The following WNT7A variants were observed in gnomAD, a reference collection of about 807,000 sequenced individuals.
WNT7A encodes the protein protein Wnt-7a.
Under a neutral mutation model 28.2 loss-of-function variants are expected in WNT7A, and 16 were observed. The ratio of observed to expected loss-of-function variants is 0.57; its 90% confidence interval spans 0.38 to 0.86. WNT7A has a LOEUF of 0.86. WNT7A is among the 40% of genes least tolerant of loss of function. The probability of loss-of-function intolerance (pLI) is 0.00; values close to 1 mark genes in which losing one functional copy is unlikely to be tolerated. For missense variants in WNT7A, 411 were observed against 489.7 expected (o/e 0.84, Z 1.52); for synonymous variants, 190 against 195.9 (o/e 0.97, Z 0.25).
At chr3:13,829,621 C>T (rs767470417) in intron 3 of WNT7A, among the ~76,000 whole-genome samples, 1 of 152,090 alleles carries the variant, frequency 6.6e-6, no homozygotes, top group Non-Finnish European at 1.5e-5. Context: ...TGCCTGCAGG[C>T]GAGTCCCTTT....
chr3:13,867,042 C>T (rs939251705), intron 2 of WNT7A, among the ~76,000 whole-genome samples: 13 of 152,076 alleles, frequency 8.5e-5, no homozygotes, highest in African/African-American at 2.2e-4. Flanking sequence ...GCATGGGTCC[C>T]GGGTTCCTTG....
In WNT7A at chr3:13,835,046, G is replaced by T. The variant is rs148282977; in HGVS notation, c.571-15623C>A. ...GAGCTGAGAACCAGACGTTGAAGAG[G>T]AGTCGACGAGACAAAAAGGGAGGAA... On this transcript the variant is annotated intron_variant, in intron 3 of 3. Transcript: ENST00000285018. Among the ~76,000 whole-genome samples the T allele has an allele frequency of 6.7e-3, 1,019 of 152,342 alleles. 12 individuals are homozygous for T. Among genetic ancestry groups the T allele is most frequent in the African/African-American group, 0.023 (938 of 41,578 alleles).
intron 3 of WNT7A, among the ~76,000 whole-genome samples, chr3:13,842,169 G>A (rs1694470388): frequency 6.6e-6 from 1 of 152,074 alleles, no homozygotes; most frequent in African/African-American, 2.4e-5. Flanking sequence ...AGTGAGGGAG[G>A]CAGAGTTTAA....
chr3:13,822,460 C>G (rs530341623), intron 3 of WNT7A, among the ~76,000 whole-genome samples: 1 of 152,172 alleles, frequency 6.6e-6, no homozygotes, highest in Non-Finnish European at 1.5e-5. Context: ...TGAAAGTAGC[C>G]AGATGCAAAA....
rs1491101426 is a variant in WNT7A, at chr3:13,856,880, G to GGAAGAAGAAGAAGAAAAAGAAGAAGAA, written c.299-2078_299-2077insTTCTTCTTCTTTTTCTTCTTCTTCTTC. Among the ~76,000 whole-genome samples, 225 of 91,620 alleles carry GGAAGAAGAAGAAGAAAAAGAAGAAGAA rather than the reference G, an allele frequency of 2.5e-3. 11 individuals are homozygous for GGAAGAAGAAGAAGAAAAAGAAGAAGAA. The highest frequency in any genetic ancestry group is 6.0e-3 in the Middle Eastern group (1 of 168). The allele number at this position is 91,620 out of a possible 152,430, so 60.1% of individuals were successfully genotyped here. A position where few individuals can be genotyped will look rare whatever the true frequency, so the allele number is the denominator to read the frequency against. ...AAGAGGAAGAGGAAGAGGAAGAAGA[G>GGAAGAAGAAGAAGAAAAAGAAGAAGAA]GAAGAAGAAGAAAAAGAAGAAGAAG... On this transcript the variant is annotated intron_variant, in intron 2 of 3. Transcript: ENST00000285018.
intron 3 of WNT7A, among the ~76,000 whole-genome samples, chr3:13,833,933 G>A (rs1694323520): frequency 6.6e-6 from 1 of 152,190 alleles, no homozygotes; most frequent in African/African-American, 2.4e-5. Context: ...GGCCAGGTGG[G>A]CAGAAAGAGG....
At chr3:13,827,840 C>T (rs895812711) in intron 3 of WNT7A, among the ~76,000 whole-genome samples, 1 of 152,200 alleles carries the variant, frequency 6.6e-6, no homozygotes, top group Non-Finnish European at 1.5e-5. Context: ...ATGGCAGGCA[C>T]TCTGAAGCAC....
chr3:13,834,956 C>T (rs1187878499), intron 3 of WNT7A, among the ~76,000 whole-genome samples: 1 of 151,522 alleles, frequency 6.6e-6, no homozygotes, highest in Non-Finnish European at 1.5e-5. Context: ...TAAATACTTG[C>T]AAATGAATGA....
At chr3:13,852,061 G>A (rs1442810858) in intron 3 of WNT7A, among the ~76,000 whole-genome samples, 1 of 152,244 alleles carries the variant, frequency 6.6e-6, no homozygotes, top group Non-Finnish European at 1.5e-5. Context: ...ATCCTGCTGG[G>A]CTTAGACTCA....
At position 13,819,110 on chromosome 3, in the gene WNT7A, T is replaced by G; in HGVS notation, c.884A>C (p.Asn295Thr). The change falls in exon 4 of 4, where the codon AAC (asparagine) becomes ACC (threonine). Residue 295 changes from asparagine to threonine, a missense_variant. Transcript: ENST00000285018. ...GSVGTQGRAC[N>T]KTAPQASGCD... ...GCCGCTGGCCTGGGGAGCCGTCTTGTTGCAGGCGCGGCCCTGGGTGCCCAC... is the reference window on the plus strand; with the variant it reads ...GCCGCTGGCCTGGGGAGCCGTCTTGGTGCAGGCGCGGCCCTGGGTGCCCAC... 1 of 1,614,170 alleles carries G rather than the reference T, an allele frequency of 6.2e-7. No individual in the cohort carries two copies. Among genetic ancestry groups the G allele is most frequent in the Non-Finnish European group, 8.5e-7 (1 of 1,180,018 alleles).
intron 1 of WNT7A, among the ~76,000 whole-genome samples, chr3:13,879,379 G>C (rs1695170160): frequency 6.6e-6 from 1 of 152,170 alleles, no homozygotes. Context: ...TGTGGTCCTG[G>C]CTTGATGTTC....
chr3:13,848,265 C>A (rs1244033663), intron 3 of WNT7A, among the ~76,000 whole-genome samples: 1 of 152,004 alleles, frequency 6.6e-6, no homozygotes, highest in East Asian at 1.9e-4. Context: ...CTGTGAGAGA[C>A]CCTATGAAGA....
intron 3 of WNT7A, among the ~76,000 whole-genome samples, chr3:13,829,248 C>T (rs910289393): frequency 3.3e-5 from 5 of 152,260 alleles, no homozygotes; most frequent in African/African-American, 1.2e-4. Flanking sequence ...TGAAAGAAAC[C>T]ATATCCAGAT....
Position 13,819,008 on chromosome 3 carries a change from T to C in WNT7A, c.986A>G (p.His329Arg). The C allele has an allele frequency of 6.2e-7, 1 of 1,610,926 alleles. No individual in the cohort carries two copies. Among genetic ancestry groups the C allele is most frequent in the East Asian group, 2.2e-5 (1 of 44,784 alleles). Residue 329 changes from histidine (H) to arginine (R), a missense_variant, in exon 4 of 4, where the codon CAC becomes CGC. Physicochemically the swap from His to Arg is conservative, Grantham distance 29 (BLOSUM62 0). Transcript: ENST00000285018. ...ARVWQCNCKFHWCCYVKCNTC... is the reference protein window; with the variant it reads ...ARVWQCNCKFRWCCYVKCNTC... ...GTTGCACTTGACATAGCAGCACCAG[T>C]GGAACTTACAGTTGCACTGCCACAC...
intron 3 of WNT7A, among the ~76,000 whole-genome samples, chr3:13,832,479 C>T (rs1300640149): frequency 6.6e-6 from 1 of 150,782 alleles, no homozygotes; most frequent in Non-Finnish European, 1.5e-5. Context: ...TCTTCCTCCT[C>T]CTCCCCCTCC....
Position 13,830,058 on chromosome 3 carries a change from T to C in WNT7A, c.571-10635A>G, listed in dbSNP as rs561577750. The stretch of plus-strand genomic sequence containing the variant: ...GCCCCTGCAATGGCTGCCTTTGTTC[T>C]CCCCTCACACAATGTGCTCCTGGTC... On this transcript the variant is annotated intron_variant, in intron 3 of 3. Transcript: ENST00000285018. Among the ~76,000 whole-genome samples the C allele has an allele frequency of 1.6e-3, 240 of 152,172 alleles. 1 individual carries two copies. Among genetic ancestry groups the C allele is most frequent in the African/African-American group, 5.6e-3 (231 of 41,510 alleles).
At chr3:13,847,359 G>A (rs1694554189) in intron 3 of WNT7A, among the ~76,000 whole-genome samples, 1 of 152,228 alleles carries the variant, frequency 6.6e-6, no homozygotes, top group South Asian at 2.1e-4. Flanking sequence ...GCTCTAGGGA[G>A]CGGAAGGGAG....
chr3:13,872,453 C>T (rs137862507), intron 2 of WNT7A, among the ~76,000 whole-genome samples: 2 of 152,316 alleles, frequency 1.3e-5, no homozygotes, highest in East Asian at 1.9e-4. Context: ...AATCCTCCAA[C>T]GACTCCCACT....
intron 2 of WNT7A, among the ~76,000 whole-genome samples, chr3:13,868,967 GGAGAAA>G (rs1427233683): frequency 1.3e-4 from 17 of 128,294 alleles, no homozygotes; most frequent in African/African-American, 3.0e-4. Flanking sequence ...AGGAAGGAAG[GGAGAAA>G]GAGAAAGAGA....
Sources: allele counts gnomAD v4.1 joint callset (sites outside exome capture counted in the v4.1 genomes callset), GRCh38; gene constraint gnomAD v4.1.1; transcripts MANE v1.5; gene names NCBI Gene and HGNC (gene_info 2026-07-23, HGNC 2026-07-21).